The following RNF6 variants were observed in gnomAD, a reference collection of about 807,000 sequenced individuals.
RNF6 encodes the protein ring finger protein 6, also known as E3 ubiquitin-protein ligase RNF6.
RNF6 carries 21 observed loss-of-function variants against 50.1 expected under a neutral mutation model. The observed-to-expected ratio is 0.42, with a 90% CI of 0.30 to 0.60. The LOEUF (loss-of-function observed/expected upper bound fraction) is 0.60. Ranked by LOEUF, RNF6 falls within the 20% of genes least tolerant of loss-of-function variation. RNF6 has a pLI of 0.20. For synonymous variants in RNF6, 255 were observed against 291.8 expected, an observed-to-expected ratio of 0.87 and a Z score of 1.29; for missense variants, 698 against 838.2, an observed-to-expected ratio of 0.83 and a Z score of 2.07.
downstream of RNF6, among the ~76,000 whole-genome samples, chr13:26,208,574 A>G (rs1593187858): frequency 6.6e-6 from 1 of 152,206 alleles, no homozygotes; most frequent in Admixed American, 6.5e-5. Flanking sequence ...ACATAACTCT[A>G]TGCAGATTCC....
rs1031909576 is a variant in RNF6 at position 26,219,708 on chromosome 13, T to C, written c.-18-41A>G. The C allele has an allele frequency of 1.6e-4, 237 of 1,525,518 alleles. 1 individual carries two copies. The highest frequency in any genetic ancestry group is 2.4e-4 in the Middle Eastern group (1 of 4,238). The allele number at this position is 1,525,518 out of a possible 1,614,324, so 94.5% of individuals were successfully genotyped here. A position where few individuals can be genotyped will look rare whatever the true frequency, so the allele number is the denominator to read the frequency against. On this transcript the variant is annotated intron_variant, in intron 2 of 4. Transcript: ENST00000381588. ...AAACAACATTCAAGGTGTTAAGTCA[T>C]GGACCACATTTGGCTTTGTATTTTT...
chr13:26,168,017 G>A (rs769884530), intron 5 of RNF6, among the ~76,000 whole-genome samples: 16 of 152,150 alleles, frequency 1.1e-4, no homozygotes, highest in Admixed American at 1.0e-3. Context: ...GACACAAAGA[G>A]GAAAACAAGA....
chr13:26,171,238 A>T (rs1388419433), intron 5 of RNF6, among the ~76,000 whole-genome samples: 1 of 152,240 alleles, frequency 6.6e-6, no homozygotes, highest in Non-Finnish European at 1.5e-5. Context: ...CGACTTGAAT[A>T]GACATTTCTC....
At chr13:26,150,180 T>A (rs1436739344) in intron 5 of RNF6, among the ~76,000 whole-genome samples, 1 of 151,856 alleles carries the variant, frequency 6.6e-6, no homozygotes. Context: ...CCATATTTTG[T>A]TAAACGCACA....
chr13:26,176,758 C>A (rs1429395123), intron 5 of RNF6, among the ~76,000 whole-genome samples: 1 of 152,088 alleles, frequency 6.6e-6, no homozygotes, highest in Non-Finnish European at 1.5e-5. Flanking sequence ...GATGGTGAAA[C>A]CTGTGAATCT....
intron 5 of RNF6, among the ~76,000 whole-genome samples, chr13:26,149,968 A>T (rs1201608416): frequency 1.5e-5 from 2 of 131,980 alleles, no homozygotes; most frequent in African/African-American, 6.0e-5. Context: ...ATATATACAC[A>T]GTGTATATAT....
intron 5 of RNF6, chr13:26,144,735 A>G (rs188811858): frequency 6.6e-6 from 1 of 152,210 alleles, no homozygotes; most frequent in African/African-American, 2.4e-5. Context: ...CTGTCAACTG[A>G]TCATAGGGAT....
At chr13:26,149,301 C>T (rs1365789434) in intron 5 of RNF6, 3 of 152,064 alleles carry the variant, frequency 2.0e-5, no homozygotes, top group African/African-American at 7.2e-5. Context: ...ACAATAGAGG[C>T]AGACGGCCAG....
At chr13:26,171,137 T>C (rs1482489704) in intron 5 of RNF6, among the ~76,000 whole-genome samples, 2 of 152,116 alleles carry the variant, frequency 1.3e-5, no homozygotes, top group Non-Finnish European at 1.5e-5. Flanking sequence ...TGGGAGAAAA[T>C]ATTTGCAAAT....
At position 26,214,001 on chromosome 13, in the gene RNF6, T is replaced by C; in HGVS notation, c.1881A>G (p.Glu627=). 1 of 1,614,218 alleles carries C rather than the reference T, an allele frequency of 6.2e-7. No homozygotes were observed. The highest frequency in any genetic ancestry group is 8.5e-7 in the Non-Finnish European group (1 of 1,180,046). The change falls in exon 5 of 5, where the codon GAA becomes GAG. Residue 627 remains glutamate, a synonymous_variant. Transcript: ENST00000381588. ...RHYEHNSIDS[E]LGKICSVCIS... ...TACAAACACTACAGATTTTACCTAGTTCACTATCAATACTGTTATGCTCAT... is the reference window on the plus strand; with the variant it reads ...TACAAACACTACAGATTTTACCTAGCTCACTATCAATACTGTTATGCTCAT...
intron 5 of RNF6, among the ~76,000 whole-genome samples, chr13:26,134,236 A>G (rs1870535291): frequency 6.6e-6 from 1 of 152,226 alleles, no homozygotes; most frequent in Non-Finnish European, 1.5e-5. Context: ...GAAGGACTTC[A>G]TTACTGCCTG....
At chr13:26,183,909 T>C (rs201347169) in intron 5 of RNF6, among the ~76,000 whole-genome samples, 1 of 83,854 alleles carries the variant, frequency 1.2e-5, no homozygotes, top group South Asian at 3.8e-4. Flanking sequence ...TTTATATATG[T>C]AATATATACA....
chr13:26,166,266 A>G (rs1269683077), intron 5 of RNF6, among the ~76,000 whole-genome samples: 2 of 152,196 alleles, frequency 1.3e-5, no homozygotes, highest in Admixed American at 1.3e-4. Flanking sequence ...TGTAAGTCCA[A>G]TAAACCTTTT....
chr13:26,218,437 T>C (rs541206005), intron 4 of RNF6, 74 bp downstream of exon 4: 33 of 1,152,416 alleles, frequency 2.9e-5, no homozygotes, highest in East Asian at 1.2e-4. Flanking sequence ...AAACATACTA[T>C]ACAAGGTCTA....
At chr13:26,166,913 G>A (rs1052598403) in intron 5 of RNF6, among the ~76,000 whole-genome samples, 3 of 152,188 alleles carry the variant, frequency 2.0e-5, no homozygotes, top group African/African-American at 7.2e-5. Context: ...GAGTGAGTGA[G>A]ACTGTGTCTC....
At chr13:26,189,058 G>T (rs944833812) in intron 5 of RNF6, among the ~76,000 whole-genome samples, 5 of 152,166 alleles carry the variant, frequency 3.3e-5, no homozygotes, top group African/African-American at 1.2e-4. Flanking sequence ...GCCAGGGATG[G>T]TGGCTAACGC....
intron 5 of RNF6, among the ~76,000 whole-genome samples, chr13:26,152,049 T>C (rs1376356052): frequency 6.6e-6 from 1 of 152,208 alleles, no homozygotes; most frequent in Non-Finnish European, 1.5e-5. Context: ...CCAACCTCTT[T>C]TATAACCTGG....
In RNF6 at chr13:26,215,048, T is replaced by G. The variant is rs765777672; in HGVS notation, c.834A>C (p.Ala278=). The G allele has an allele frequency of 6.2e-7, 1 of 1,614,248 alleles. No individual in the cohort carries two copies. The highest frequency in any genetic ancestry group is 8.5e-7 in the Non-Finnish European group (1 of 1,180,034). Residue 278 remains alanine, a synonymous_variant, in exon 5 of 5, where the codon GCA becomes GCC. Coordinates refer to ENST00000381588, the MANE Select transcript of RNF6 (RefSeq NM_005977.4). The part of the protein sequence containing the change: ...RQREGQRFGA[A]HVWENGARSN... The stretch of plus-strand genomic sequence containing the variant: ...TTCTAGCCCCATTTTCCCAAACATG[T>G]GCTGCTCCAAACCGTTGCCCCTCCC...
chr13:26,149,885 T>TAC (rs1871466208), intron 5 of RNF6, among the ~76,000 whole-genome samples: 1 of 106,248 alleles, frequency 9.4e-6, no homozygotes, highest in South Asian at 3.3e-4. Context: ...TATATATATA[T>TAC]ATATATATAC....
Sources: allele counts gnomAD v4.1 joint callset (sites outside exome capture counted in the v4.1 genomes callset), GRCh38; gene constraint gnomAD v4.1.1; transcripts MANE v1.5; gene names NCBI Gene and HGNC (gene_info 2026-07-23, HGNC 2026-07-21).